Variants in RBM19 observed in about 807,000 individuals in gnomAD.
RBM19 encodes probable RNA-binding protein 19.
A neutral mutation model predicts 116.8 loss-of-function variants in RBM19; 94 were observed. The ratio of observed to expected loss-of-function variants is 0.80; its 90% CI spans 0.68 to 0.95. The LOEUF is 0.95. Ranked by LOEUF, RBM19 falls within the 40% of genes least tolerant of loss-of-function variation. RBM19 has a pLI of 0.00. For synonymous variants in RBM19, 475 were observed against 494.1 expected (o/e 0.96, Z 0.51); for missense variants, 1,161 against 1,220.7 (o/e 0.95, Z 0.73).
At chr12:113,911,309 C>G (rs1017663081) in intron 21 of RBM19, among the ~76,000 whole-genome samples, 6 of 152,306 alleles carry the variant, frequency 3.9e-5, no homozygotes, top group African/African-American at 1.4e-4. Context: ...CTTCCTGACT[C>G]TCTACCCCAG....
intron 21 of RBM19, among the ~76,000 whole-genome samples, chr12:113,871,071 A>C (rs912892623): frequency 6.6e-6 from 1 of 150,574 alleles, no homozygotes; most frequent in African/African-American, 2.4e-5. Context: ...ACAGAGACTC[A>C]GGGAACAAGA....
chr12:113,931,651 G>A (rs548671443), intron 16 of RBM19, among the ~76,000 whole-genome samples: 2 of 152,008 alleles, frequency 1.3e-5, no homozygotes, highest in East Asian at 1.9e-4. Context: ...CGTTCCAAAC[G>A]CACTGGTCTC....
intron 16 of RBM19, 101 bp from the exon 17 acceptor site, chr12:113,927,330 G>C: frequency 1.4e-6 from 2 of 1,397,916 alleles, no homozygotes; most frequent in Non-Finnish European, 1.9e-6. Flanking sequence ...AAGCCCACTA[G>C]GTAAAGGGGT....
chr12:113,956,370 C>T (rs1048062723), intron 6 of RBM19, among the ~76,000 whole-genome samples: 1 of 151,982 alleles, frequency 6.6e-6, no homozygotes, highest in African/African-American at 2.4e-5. Flanking sequence ...CACTTGAGGC[C>T]AGGAGCTCAA....
intron 14 of RBM19, 24 bp downstream of exon 14, chr12:113,942,300 G>C (rs1870640494): frequency 6.3e-7 from 1 of 1,588,244 alleles, no homozygotes; most frequent in Non-Finnish European, 8.5e-7. Context: ...CTGCTGGCTG[G>C]CTGGCGCCAC....
At position 113,920,594 on chromosome 12, in the gene RBM19, G is replaced by A. The variant is rs375994617; in HGVS notation, c.2385+17C>T. ...CCAAGTGCCTCCGTGGCCCTCAGCT[G>A]AGAATCTTCACTTTACCTGGAGCTG... is the stretch of plus-strand genomic sequence containing the variant. On this transcript the variant is annotated intron_variant, in intron 19 of 23. Coordinates refer to ENST00000261741, the MANE Select transcript of RBM19 (RefSeq NM_016196.4). The A allele has an allele frequency of 5.3e-5, 86 of 1,611,206 alleles. No homozygotes were observed. The African/African-American group carries it at 8.7e-4, about 16-fold the overall frequency.
chr12:113,962,750 T>A (rs1872608640), intron 1 of RBM19, among the ~76,000 whole-genome samples: 1 of 152,218 alleles, frequency 6.6e-6, no homozygotes. Context: ...TAAATACTTG[T>A]AGGAATAAAT....
intron 21 of RBM19, among the ~76,000 whole-genome samples, chr12:113,890,744 C>T (rs900621104): frequency 2.0e-5 from 3 of 152,210 alleles, no homozygotes; most frequent in Non-Finnish European, 4.4e-5. Flanking sequence ...AGATCCTTCT[C>T]CCAAGGGATG....
chr12:113,900,695 GGAA>G, intron 21 of RBM19, among the ~76,000 whole-genome samples: 1 of 152,216 alleles, frequency 6.6e-6, no homozygotes, highest in Non-Finnish European at 1.5e-5. Context: ...TGAAGGAGGA[GGAA>G]GGACAGCATG....
chr12:113,865,206 C>A (rs143382983), intron 21 of RBM19, among the ~76,000 whole-genome samples: 139 of 152,312 alleles, frequency 9.1e-4, no homozygotes, highest in African/African-American at 3.2e-3. Context: ...ATTCCCTGAA[C>A]CCACCAAACG....
intron 21 of RBM19, among the ~76,000 whole-genome samples, chr12:113,869,105 G>A (rs1227936153): frequency 6.6e-6 from 1 of 152,160 alleles, no homozygotes; most frequent in Non-Finnish European, 1.5e-5. Context: ...GTGCCAAGCA[G>A]GTGACCCCTC....
intron 21 of RBM19, among the ~76,000 whole-genome samples, chr12:113,901,800 C>T (rs1002539671): frequency 6.6e-6 from 1 of 152,168 alleles, no homozygotes. Context: ...CAGGCGTGAG[C>T]CACCATGCCC....
rs575697515 is a variant in RBM19, at chr12:113,880,568, C to T, written c.2559-21672G>A. On this transcript the variant is annotated intron_variant, in intron 21 of 23. Coordinates refer to ENST00000261741, the MANE Select transcript of RBM19 (RefSeq NM_016196.4). Reference sequence around the variant, plus strand: ...AGAGTGATGTCACAGCTGCGAACGGCGAGACTCTGGGCTACAGCCCTACTT... The same window carrying T: ...AGAGTGATGTCACAGCTGCGAACGGTGAGACTCTGGGCTACAGCCCTACTT... Among the ~76,000 whole-genome samples, 64 of 152,244 alleles carry T rather than the reference C, an allele frequency of 4.2e-4. 1 individual carries two copies. Among genetic ancestry groups the T allele is most frequent in the South Asian group, 1.9e-3 (9 of 4,812 alleles).
At chr12:113,878,845 G>A (rs923984086) in intron 21 of RBM19, among the ~76,000 whole-genome samples, 6 of 151,038 alleles carry the variant, frequency 4.0e-5, no homozygotes, top group Admixed American at 6.6e-5. Flanking sequence ...AAAAAAAAAG[G>A]GGGGGGTGGT....
rs1319936788 is a variant in RBM19, at chr12:113,948,893, C to A, written c.1216G>T (p.Val406Leu). 2 of 1,614,098 alleles carry A rather than the reference C, an allele frequency of 1.2e-6. No homozygotes were observed. The highest frequency in any genetic ancestry group is 2.2e-5 in the East Asian group (1 of 44,894). ...EDLAESGRLF[V>L]RNLPYTSTEE... Reference sequence around the variant, plus strand: ...GTGCTGGTGTAGGGCAGGTTCCGTACAAAGAGCCTTCCGGATTCGGCCAGG... The same window carrying A: ...GTGCTGGTGTAGGGCAGGTTCCGTAAAAAGAGCCTTCCGGATTCGGCCAGG... Residue 406 changes from valine (V) to leucine (L), a missense_variant, in exon 10 of 24, where the codon GTA becomes TTA. By Grantham distance (32) the Val-to-Leu change is conservative. Transcript: ENST00000261741.
At chr12:113,843,669 C>G (rs866285388) in intron 23 of RBM19, among the ~76,000 whole-genome samples, 2 of 152,176 alleles carry the variant, frequency 1.3e-5, no homozygotes, top group Non-Finnish European at 1.5e-5. Flanking sequence ...GGATCAAGGT[C>G]AAGTACCCCT....
chr12:113,954,004 T>G (rs1341457463), intron 7 of RBM19, among the ~76,000 whole-genome samples: 1 of 152,230 alleles, frequency 6.6e-6, no homozygotes, highest in African/African-American at 2.4e-5. Context: ...AGCAAAAAAT[T>G]GGATATAACT....
At chr12:113,943,686 G>A (rs1055757294) in intron 13 of RBM19, among the ~76,000 whole-genome samples, 1 of 151,922 alleles carries the variant, frequency 6.6e-6, no homozygotes, top group African/African-American at 2.4e-5. Flanking sequence ...AGCCAGGCAT[G>A]GTGGTGCGTG....
chr12:113,922,087 C>T lies in RBM19; in HGVS notation c.2306-1397G>A, dbSNP rs367890958. On this transcript the variant is annotated intron_variant, in intron 18 of 23. Transcript: ENST00000261741. ...CTCTGCAGTGGCCACGTCCAATCCA[C>T]GGCCACCACTCCTGCAGGTTATCTC... Among the ~76,000 whole-genome samples, 430 of 152,288 alleles carry T rather than the reference C, an allele frequency of 2.8e-3. 2 individuals are homozygous for T. Among genetic ancestry groups the T allele is most frequent in the Middle Eastern group, 0.024 (7 of 294 alleles).
Sources: gnomAD v4.1 joint callset for allele counts (sites outside exome capture counted in the v4.1 genomes callset) on GRCh38, gnomAD v4.1.1 for gene constraint, MANE v1.5 for transcripts, NCBI Gene and HGNC (gene_info 2026-07-23, HGNC 2026-07-21) for gene names.